PMVK: variants seen among roughly 807,000 people sequenced by gnomAD.
PMVK encodes the protein testis tissue sperm-binding protein Li 95mP.
A neutral mutation model predicts 19.0 loss-of-function variants in PMVK; 10 were observed. The ratio of observed to expected loss-of-function variants is 0.53; its 90% CI spans 0.32 to 0.89. The LOEUF (loss-of-function observed/expected upper bound fraction) is 0.89. Ranked by LOEUF, PMVK falls within the 40% of genes least tolerant of loss-of-function variation. The pLI, the probability that PMVK is intolerant of heterozygous loss-of-function variation, is 0.03. For synonymous variants in PMVK, 108 were observed against 101.6 expected (o/e 1.06, Z -0.38); for missense variants, 222 against 251.1 (o/e 0.88, Z 0.78).
In PMVK at chr1:154,925,254, C is replaced by G. The variant is rs1164748460; in HGVS notation, c.454G>C (p.Ala152Pro). 1 of 1,614,060 alleles carries G rather than the reference C, an allele frequency of 6.2e-7. No individual in the cohort carries two copies. Among genetic ancestry groups the G allele is most frequent in the Non-Finnish European group, 8.5e-7 (1 of 1,180,004 alleles). The change falls in exon 5 of 5, where the codon GCT (alanine) becomes CCT (proline). Residue 152 changes from alanine to proline, a missense_variant. Transcript: ENST00000368467. ...GWVFTPGVDDAESECGLDNFG... is the reference protein window; with the variant it reads ...GWVFTPGVDDPESECGLDNFG... ...TTGTCCAGGCCACATTCTGACTCAG[C>G]ATCGTCCACCCCTATGAAGGAAGCA...
chr1:154,930,797 A>G (rs952097488), intron 2 of PMVK, among the ~76,000 whole-genome samples: 2 of 151,778 alleles, frequency 1.3e-5, no homozygotes, highest in African/African-American at 4.8e-5. Context: ...AAAATTTTTG[A>G]AAACCAGGCC....
chr1:154,937,212 ATC>A (rs1352461149), upstream of PMVK, among the ~76,000 whole-genome samples: 1 of 152,182 alleles, frequency 6.6e-6, no homozygotes, highest in African/African-American at 2.4e-5. Context: ...GCCACAGCAA[ATC>A]TGCGCGCGCC....
intron 4 of PMVK, 137 bp downstream of exon 4, chr1:154,926,217 A>G (rs1262148083): frequency 2.6e-6 from 2 of 761,306 alleles, no homozygotes; most frequent in Admixed American, 5.6e-5. Flanking sequence ...GATTCTGTCC[A>G]CCATGCTACT....
In PMVK at chr1:154,925,126, T is replaced by C. The variant is rs1361068456; in HGVS notation, c.*3A>G. On this transcript the variant is annotated 3_prime_UTR_variant, in exon 5 of 5. Transcript: ENST00000368467. ...GCCCCAGCTCACTCCTAGAACCTAG[T>C]GACTAAAGTCTGGAGCGGATAAATT... The C allele has an allele frequency of 1.3e-6, 2 of 1,547,562 alleles. No homozygotes were observed. The highest frequency in any genetic ancestry group is 1.8e-6 in the Non-Finnish European group (2 of 1,135,496).
At position 154,935,058 on chromosome 1, in the gene PMVK, CAAAAAAAAAA is replaced by C. The variant is rs569402578; in HGVS notation, c.95+1523_95+1532del. Among the ~76,000 whole-genome samples, 5 of 22,264 alleles carry C rather than the reference CAAAAAAAAAA, an allele frequency of 2.2e-4. No individual in the cohort carries two copies. In the South Asian group the frequency reaches 6.2e-3, roughly 28 times the overall value. The allele number at this position is 22,264 out of a possible 152,430, so 14.6% of individuals were successfully genotyped here. A position where few individuals can be genotyped will look rare whatever the true frequency, so the allele number is the denominator to read the frequency against. On this transcript the variant is annotated intron_variant, in intron 1 of 4. Coordinates refer to ENST00000368467, the MANE Select transcript of PMVK (RefSeq NM_006556.4). ...TGGGTGACAGAGCAAGACTCCGTCT[CAAAAAAAAAA>C]AAAAAAAAAAAAAAAAAACATGAGG...
At chr1:154,935,469 T>G (rs1189794663) in intron 1 of PMVK, among the ~76,000 whole-genome samples, 1 of 152,176 alleles carries the variant, frequency 6.6e-6, no homozygotes, top group Non-Finnish European at 1.5e-5. Context: ...CAGAAAACAC[T>G]GTGCAAAAGG....
At chr1:154,936,831 G>A (rs559073214), upstream of PMVK, 70 of 657,202 alleles carry the variant, frequency 1.1e-4, no homozygotes, top group South Asian at 1.2e-3. Flanking sequence ...GAACAGGGCT[G>A]ACCGCCCGCG....
At position 154,925,155 on chromosome 1, in the gene PMVK, T is replaced by C. The variant is rs1571376006; in HGVS notation, c.553A>G (p.Ile185Val). The C allele has an allele frequency of 6.2e-7, 1 of 1,606,864 alleles. No homozygotes were observed. Among genetic ancestry groups the C allele is most frequent in the African/African-American group, 1.3e-5 (1 of 74,216 alleles). Residue 185 changes from isoleucine to valine, a missense_variant, in exon 5 of 5, where the codon ATA (isoleucine) becomes GTA (valine). Physicochemically the swap from Ile to Val is conservative, Grantham distance 29. Transcript: ENST00000368467. ...TAAAGTCTGGAGCGGATAAATTCTA[T>C]CAGGTTCTCCAACTGCTCCTCCAGG... is the stretch of plus-strand genomic sequence containing the variant. Reference protein sequence around the residue: ...QRLEEQLENLIEFIRSRL With the variant: ...QRLEEQLENLVEFIRSRL
intron 1 of PMVK, 122 bp from the exon 2 acceptor site, chr1:154,932,537 T>C (rs1654371202): frequency 3.2e-6 from 2 of 620,918 alleles, no homozygotes; most frequent in Non-Finnish European, 5.7e-6. Flanking sequence ...TATGTAACTT[T>C]GGTAGGTCTC....
chr1:154,936,377 CT>C, intron 1 of PMVK: 1 of 985,072 alleles, frequency 1.0e-6, no homozygotes, highest in Non-Finnish European at 1.2e-6. Context: ...AGCTGAAGGT[CT>C]TTGGAGAGGT....
upstream of PMVK, among the ~76,000 whole-genome samples, chr1:154,939,192 C>CA (rs1654590337): frequency 6.6e-6 from 1 of 152,152 alleles, no homozygotes. Flanking sequence ...CCTCAGAGGC[C>CA]AGCTCCTATG....
chr1:154,939,092 C>T (rs888113297), upstream of PMVK, among the ~76,000 whole-genome samples: 2 of 152,158 alleles, frequency 1.3e-5, no homozygotes, highest in Admixed American at 6.5e-5. Context: ...TCATCATCCT[C>T]GGTGACATCA....
chr1:154,931,582 G>A (rs1654336073), intron 2 of PMVK, among the ~76,000 whole-genome samples: 1 of 152,172 alleles, frequency 6.6e-6, no homozygotes, highest in South Asian at 2.1e-4. Flanking sequence ...ATGCAGTGCA[G>A]GAACACATCC....
At position 154,925,071 on chromosome 1, in the gene PMVK, G is replaced by T; in HGVS notation, c.*58C>A. 2 of 1,407,514 alleles carry T rather than the reference G, an allele frequency of 1.4e-6. No individual in the cohort carries two copies. The highest frequency in any genetic ancestry group is 1.9e-6 in the Non-Finnish European group (2 of 1,046,332). The allele number at this position is 1,407,514 out of a possible 1,614,324, so 87.2% of individuals were successfully genotyped here. On this transcript the variant is annotated 3_prime_UTR_variant, in exon 5 of 5. Transcript: ENST00000368467. ...CAGGATCGGGGGACACCCCCATTTT[G>T]CAGAGTCAGCCCCACCCCCACCTCA... is the stretch of plus-strand genomic sequence containing the variant.
At chr1:154,929,268 G>C (rs950123203) in intron 2 of PMVK, 92 bp from the exon 3 acceptor site, 1 of 1,203,944 alleles carries the variant, frequency 8.3e-7, no homozygotes, top group African/African-American at 1.5e-5. Flanking sequence ...ACCCTCACCT[G>C]CCTCCCCCAG....
At position 154,926,412 on chromosome 1, in the gene PMVK, C is replaced by T. The variant is rs770635413; in HGVS notation, c.384G>A (p.Thr128=). 7 of 1,613,706 alleles carry T rather than the reference C, an allele frequency of 4.3e-6. No individual in the cohort carries two copies. Among genetic ancestry groups the T allele is most frequent in the East Asian group, 2.2e-5 (1 of 44,898 alleles). The change falls in exon 4 of 5, where the codon ACG becomes ACA. Residue 128 remains threonine (T), a synonymous_variant. Coordinates refer to ENST00000368467, the MANE Select transcript of PMVK (RefSeq NM_006556.4). ...FREAYGAVTQ[T]VRVVALEQSR... is the part of the protein sequence containing the mutation. ...TCTGCTCCAACGCTACAACGCGGAC[C>T]GTCTGCGTCACGGCCCCATAGGCCT...
rs1654298190 is a variant in PMVK at position 154,930,394 on chromosome 1, G to T, written c.160-1218C>A. The stretch of plus-strand genomic sequence containing the variant: ...AGAACTGCTTGAACCCCAGGAGGTG[G>T]AGGTTGCAGTGAGCCAAGATCGTGC... On this transcript the variant is annotated intron_variant, in intron 2 of 4. Coordinates refer to ENST00000368467, the MANE Select transcript of PMVK (RefSeq NM_006556.4). 2.0e-5 allele frequency among the ~76,000 whole-genome samples: 3 copies of T among 152,334 alleles called. 1 individual carries two copies. Among genetic ancestry groups the T allele is most frequent in the Admixed American group, 2.0e-4 (3 of 15,306 alleles).
Position 154,925,080 on chromosome 1 carries a change from G to GCCCCCCCCCCC in PMVK, c.*48_*49insGGGGGGGGGGG. The GCCCCCCCCCCC allele has an allele frequency of 6.2e-6, 9 of 1,459,200 alleles. No individual in the cohort carries two copies. The highest frequency in any genetic ancestry group is 2.8e-5 in the East Asian group (1 of 36,068). 90.4% of individuals were successfully genotyped at this position (1,459,200 alleles called of 1,614,324 possible). A position where few individuals can be genotyped will look rare whatever the true frequency, so the allele number is the denominator to read the frequency against. On this transcript the variant is annotated 3_prime_UTR_variant, in exon 5 of 5. Transcript: ENST00000368467. ...GGGACACCCCCATTTTGCAGAGTCA[G>GCCCCCCCCCCC]CCCCACCCCCACCTCAGCAGGCCCC...
At chr1:154,932,288 C>A in intron 2 of PMVK, 64 bp downstream of exon 2, 1 of 1,180,208 alleles carries the variant, frequency 8.5e-7, no homozygotes, top group South Asian at 1.2e-5. Context: ...AGGCAGCAGC[C>A]ACAGCTCCAA....
Sources: gnomAD v4.1 joint callset for allele counts (sites outside exome capture counted in the v4.1 genomes callset) on GRCh38, gnomAD v4.1.1 for gene constraint, MANE v1.5 for transcripts, NCBI Gene and HGNC (gene_info 2026-07-23, HGNC 2026-07-21) for gene names.